DNTTIP1: variants seen among roughly 807,000 people sequenced by gnomAD.
DNTTIP1 encodes deoxynucleotidyltransferase terminal-interacting protein 1.
DNTTIP1 carries 22 observed loss-of-function variants against 52.9 expected under a neutral mutation model. The observed-to-expected ratio is 0.42, with a 90% CI of 0.30 to 0.59. DNTTIP1 has a LOEUF of 0.59. Among genes scored for constraint, DNTTIP1 ranks in the 20% least tolerant of loss-of-function variants. DNTTIP1 has a pLI of 0.22. For synonymous variants in DNTTIP1, 136 were observed against 155.1 expected (o/e 0.88, Z 0.92); for missense variants, 286 against 435.5 (o/e 0.66, Z 3.06).
chr20:45,806,172 A>G (rs977794197), intron 10 of DNTTIP1, among the ~76,000 whole-genome samples: 37 of 152,120 alleles, frequency 2.4e-4, no homozygotes, highest in African/African-American at 8.0e-4. Context: ...CCTGACCAAC[A>G]TGGAGAAACC....
chr20:45,811,256 G>A lies in DNTTIP1; in HGVS notation c.*61G>A. 1 of 1,546,046 alleles carries A rather than the reference G, an allele frequency of 6.5e-7. No individual in the cohort carries two copies. Among genetic ancestry groups the A allele is most frequent in the Non-Finnish European group, 8.7e-7 (1 of 1,151,168 alleles). On this transcript the variant is annotated 3_prime_UTR_variant, in exon 13 of 13. Transcript: ENST00000372622. The stretch of plus-strand genomic sequence containing the variant: ...CCAAAGCCCTCTTCCTCACGTGGCT[G>A]AGGCCACCGCTGGGACTGCTCCTAG...
chr20:45,803,358 A>G lies in DNTTIP1; in HGVS notation c.583A>G (p.Ile195Val), dbSNP rs2145703289. 1 of 1,614,178 alleles carries G rather than the reference A, an allele frequency of 6.2e-7. No homozygotes were observed. The highest frequency in any genetic ancestry group is 2.2e-5 in the East Asian group (1 of 44,870). ...ATGGAAACCAAAATCCTGTGAACCA[A>G]TTCGCCGGGAAGGCCCCAAGGTATG... ...MVWKPKSCEP[I>V]RREGPKWDPA... is the part of the protein sequence containing the mutation. Residue 195 changes from isoleucine to valine, a missense_variant, in exon 8 of 13, where the codon ATT becomes GTT. By Grantham distance (29) the Ile-to-Val change is conservative. Around this residue, in one of 2 missense-constraint regions of DNTTIP1, gnomAD observed 208 missense variants for 266.5 expected, o/e 0.78. Coordinates refer to ENST00000372622, the MANE Select transcript of DNTTIP1 (RefSeq NM_052951.3).
chr20:45,802,166 C>G, intron 7 of DNTTIP1, 109 bp downstream of exon 7: 1 of 1,221,762 alleles, frequency 8.2e-7, no homozygotes, highest in Non-Finnish European at 1.2e-6. Flanking sequence ...GATCCATCAG[C>G]TTAAGTCATC....
Position 45,809,227 on chromosome 20 carries a change from A to G in DNTTIP1, c.795+42A>G. 6.3e-7 allele frequency: 1 copy of G among 1,585,542 alleles called. No individual in the cohort carries two copies. Among genetic ancestry groups the G allele is most frequent in the South Asian group, 1.1e-5 (1 of 90,402 alleles). On this transcript the variant is annotated intron_variant, in intron 11 of 12. Transcript: ENST00000372622. This position sits in a 1 kb window ranked among gnomAD's most constrained non-coding sequence, Gnocchi z 4.2. Reference sequence around the variant, plus strand: ...TGTGCCACTGCCAGTGACCCACCCCACCTGGGAACCAGGATTTTGGCTGTG... The same window carrying G: ...TGTGCCACTGCCAGTGACCCACCCCGCCTGGGAACCAGGATTTTGGCTGTG...
intron 12 of DNTTIP1, 29 bp downstream of exon 12, chr20:45,810,969 T>C (rs780700977): frequency 2.5e-6 from 4 of 1,613,984 alleles, no homozygotes; most frequent in Non-Finnish European, 2.5e-6. Context: ...CTGCCCCTTC[T>C]CCTCTCCCTG....
At chr20:45,806,993 C>T (rs896135102) in intron 10 of DNTTIP1, among the ~76,000 whole-genome samples, 34 of 152,178 alleles carry the variant, frequency 2.2e-4, no homozygotes, top group Non-Finnish European at 4.7e-4. Context: ...TTACTAGCTG[C>T]ATGAACTTGA....
At chr20:45,800,422 G>A (rs1370201178) in intron 4 of DNTTIP1, among the ~76,000 whole-genome samples, 3 of 150,900 alleles carry the variant, frequency 2.0e-5, no homozygotes, top group Admixed American at 1.3e-4. Context: ...GCCTGTAATC[G>A]CAGCACTTTG....
intron 1 of DNTTIP1, 40 bp downstream of exon 1, chr20:45,792,149 A>C: frequency 1.7e-6 from 2 of 1,158,724 alleles, no homozygotes; most frequent in Non-Finnish European, 2.2e-6. Flanking sequence ...CAGGCCGGGC[A>C]CGGCCTCGGG....
chr20:45,800,691 AAAAATATATATATATAT>A (rs1981413022), intron 4 of DNTTIP1, among the ~76,000 whole-genome samples: 6 of 57,102 alleles, frequency 1.1e-4, no homozygotes, highest in African/African-American at 1.9e-4. Flanking sequence ...AAAAAAAAAA[AAAAATATATATATATAT>A]ATATATATAT....
chr20:45,810,963 C>T, intron 12 of DNTTIP1, 23 bp downstream of exon 12: 1 of 1,614,142 alleles, frequency 6.2e-7, no homozygotes, highest in Non-Finnish European at 8.5e-7. Context: ...GGTCTCCTGC[C>T]CCTTCTCCTC....
chr20:45,809,021 A>T lies in DNTTIP1; in HGVS notation c.724-93A>T. The T allele has an allele frequency of 8.9e-7, 1 of 1,128,032 alleles. No homozygotes were observed. Among genetic ancestry groups the T allele is most frequent in the South Asian group, 1.3e-5 (1 of 77,738 alleles). The allele number at this position is 1,128,032 out of a possible 1,614,324, so 69.9% of individuals were successfully genotyped here. A position where few individuals can be genotyped will look rare whatever the true frequency, so the allele number is the denominator to read the frequency against. On this transcript the variant is annotated intron_variant, in intron 10 of 12. Coordinates refer to ENST00000372622, the MANE Select transcript of DNTTIP1 (RefSeq NM_052951.3). The surrounding 1 kb of genome is among the most constrained non-coding windows in gnomAD (Gnocchi z 4.2). The stretch of plus-strand genomic sequence containing the variant: ...ACGCTTGGAGACAAGGACTTTTGGT[A>T]AGAACTGCTCAAGGGCCAAGAGTAT...
intron 10 of DNTTIP1, among the ~76,000 whole-genome samples, chr20:45,807,678 G>A (rs188367733): frequency 6.6e-6 from 1 of 152,312 alleles, no homozygotes; most frequent in Admixed American, 6.5e-5. Flanking sequence ...CAGGTGCAGT[G>A]ACTCACGCCT....
chr20:45,792,430 C>T (rs749428534), intron 1 of DNTTIP1: 1 of 489,502 alleles, frequency 2.0e-6, no homozygotes, highest in Non-Finnish European at 3.6e-6. Flanking sequence ...AGTTGACCCT[C>T]GGTAAATACT....
intron 4 of DNTTIP1, among the ~76,000 whole-genome samples, chr20:45,800,706 T>A (rs1395934656): frequency 0.038 from 66 of 1,728 alleles, 6 homozygotes; most frequent in African/African-American, 0.095. Flanking sequence ...TATATATATA[T>A]ATATATATAT....
chr20:45,802,841 T>A (rs1981518484), intron 7 of DNTTIP1, among the ~76,000 whole-genome samples: 1 of 148,410 alleles, frequency 6.7e-6, no homozygotes. Context: ...CCCCACTTTT[T>A]AAAAAAAATT....
chr20:45,807,916 C>T (rs1981701701), intron 10 of DNTTIP1, among the ~76,000 whole-genome samples: 2 of 152,270 alleles, frequency 1.3e-5, no homozygotes, highest in African/African-American at 4.8e-5. Flanking sequence ...CACGCCACTG[C>T]ACTCCAACCT....
In DNTTIP1 at chr20:45,801,092, G is replaced by A; in HGVS notation, c.391G>A (p.Asp131Asn). ...CCTTCAGGCTAAACTGCTCTTTTCA[G>A]ATGGAGAAAAAGTAATACCCAGATT... ...CLEQAKLLFS[D>N]GEKVIPRLTH... The change falls in exon 5 of 13, where the codon GAT (aspartate) becomes AAT (asparagine). Residue 131 changes from aspartate to asparagine, a missense_variant. By Grantham distance (23) the Asp-to-Asn change is conservative (BLOSUM62 1). This residue lies in a region of DNTTIP1 where 208 missense variants were observed against 266.5 expected (regional missense o/e 0.78). Transcript: ENST00000372622. 1 of 1,614,048 alleles carries A rather than the reference G, an allele frequency of 6.2e-7. No individual in the cohort carries two copies.
chr20:45,811,417 C>T lies in DNTTIP1; in HGVS notation c.*222C>T. ...ACAATTAAACAGTTTGTAGTAAACA[C>T]AGATGGTGAACCTGCTGTGCCCTCT... On this transcript the variant is annotated 3_prime_UTR_variant, in exon 13 of 13. Coordinates refer to ENST00000372622, the MANE Select transcript of DNTTIP1 (RefSeq NM_052951.3). 1 of 486,624 alleles carries T rather than the reference C, an allele frequency of 2.1e-6. No individual in the cohort carries two copies. The highest frequency in any genetic ancestry group is 3.8e-5 in the Admixed American group (1 of 26,262). 30.1% of individuals were successfully genotyped at this position (486,624 alleles called of 1,614,324 possible).
In DNTTIP1 at chr20:45,801,986, T is replaced by C. The variant is rs1981486604; in HGVS notation, c.499-13T>C. 1 of 1,614,082 alleles carries C rather than the reference T, an allele frequency of 6.2e-7. No homozygotes were observed. Among genetic ancestry groups the C allele is most frequent in the Non-Finnish European group, 8.5e-7 (1 of 1,179,956 alleles). Reference sequence around the variant, plus strand: ...CACAGGGTCAGACCTCTGACAGCTGTTTTTTGTGGCAGAGGAAAGGACGGC... The same window carrying C: ...CACAGGGTCAGACCTCTGACAGCTGCTTTTTGTGGCAGAGGAAAGGACGGC... On this transcript the variant is annotated splice_polypyrimidine_tract_variant and intron_variant, in intron 6 of 12. Coordinates refer to ENST00000372622, the MANE Select transcript of DNTTIP1 (RefSeq NM_052951.3).
Sources: gnomAD v4.1 joint callset for allele counts (sites outside exome capture counted in the v4.1 genomes callset) on GRCh38, gnomAD v4.1.1 for gene constraint, gnomAD v4.1.1 regional missense constraint, Gnocchi (gnomAD v3.1) non-coding constraint, MANE v1.5 for transcripts, NCBI Gene and HGNC (gene_info 2026-07-23, HGNC 2026-07-21) for gene names.